The following LYPLAL1 variants were observed in gnomAD, a reference collection of about 807,000 sequenced individuals.
LYPLAL1 encodes the protein lysophospholipase-like protein 1.
In LYPLAL1, 23 loss-of-function variants were observed where a neutral mutation model predicts 19.7. The ratio of observed to expected loss-of-function variants is 1.17; its 90% CI spans 0.84 to 1.65. The LOEUF (loss-of-function observed/expected upper bound fraction) is 1.65. LYPLAL1 is among the 40% of genes most tolerant of loss of function. The pLI is 0.00. For missense variants in LYPLAL1, 355 were observed against 279.4 expected (o/e 1.27, Z -1.93); for synonymous variants, 119 against 96.3 (o/e 1.24, Z -1.38).
chr1:219,337,125 T>G, the LYPLAL1 span, among the ~76,000 whole-genome samples: 14 of 148,058 alleles, frequency 9.5e-5, no homozygotes, highest in East Asian at 2.5e-3. Context: ...CCTGCCTCTC[T>G]TTTCTAAGAA....
At chr1:219,335,433 T>G in the LYPLAL1 span, among the ~76,000 whole-genome samples, 10 of 152,020 alleles carry the variant, frequency 6.6e-5, no homozygotes, top group Admixed American at 5.9e-4. Context: ...GGGGTATATC[T>G]TCACATACAC....
At chr1:219,415,132 A>G in the LYPLAL1 span, among the ~76,000 whole-genome samples, 1 of 152,224 alleles carries the variant, frequency 6.6e-6, no homozygotes, top group African/African-American at 2.4e-5. Context: ...CTAGGGAGAA[A>G]AGACTTCAAA....
At chr1:219,421,435 C>T in the LYPLAL1 span, among the ~76,000 whole-genome samples, 1 of 152,184 alleles carries the variant, frequency 6.6e-6, no homozygotes, top group Non-Finnish European at 1.5e-5. Context: ...CTACCATTTA[C>T]AAGCACCTGA....
At chr1:219,352,519 A>G in the LYPLAL1 span, among the ~76,000 whole-genome samples, 1 of 152,068 alleles carries the variant, frequency 6.6e-6, no homozygotes, top group African/African-American at 2.4e-5. Flanking sequence ...TCCGTCTCAA[A>G]TAAATAAATA....
At chr1:219,235,473 G>A in the LYPLAL1 span, among the ~76,000 whole-genome samples, 1 of 152,156 alleles carries the variant, frequency 6.6e-6, no homozygotes, top group East Asian at 1.9e-4. Flanking sequence ...AATAGGCTGG[G>A]ATCTGACTTG....
At chr1:219,441,390 A>C in the LYPLAL1 span, among the ~76,000 whole-genome samples, 1 of 152,196 alleles carries the variant, frequency 6.6e-6, no homozygotes, top group African/African-American at 2.4e-5. Context: ...ATGAGGCCCG[A>C]GATTCATTTG....
the LYPLAL1 span, among the ~76,000 whole-genome samples, chr1:219,326,298 T>TG: frequency 6.7e-4 from 1 of 1,496 alleles, no homozygotes; most frequent in African/African-American, 3.4e-3. Flanking sequence ...TTGTTTTTGG[T>TG]GGGTGGGGGG....
chr1:219,287,600 A>C, the LYPLAL1 span, among the ~76,000 whole-genome samples: 1 of 152,208 alleles, frequency 6.6e-6, no homozygotes, highest in Non-Finnish European at 1.5e-5. Flanking sequence ...AACACTGATG[A>C]GAATGTGGAA....
the LYPLAL1 span, among the ~76,000 whole-genome samples, chr1:219,353,609 TAAGCATGA>T: frequency 6.6e-6 from 1 of 152,148 alleles, no homozygotes; most frequent in African/African-American, 2.4e-5. Context: ...AGCTTTAAAA[TAAGCATGA>T]AAGGATAAAG....
At chr1:219,204,385 A>G (rs1000352377) in intron 3 of LYPLAL1, among the ~76,000 whole-genome samples, 2 of 152,192 alleles carry the variant, frequency 1.3e-5, no homozygotes, top group Admixed American at 6.5e-5. Context: ...TGTGCAGAAT[A>G]TAAGCATTTT....
downstream of LYPLAL1, among the ~76,000 whole-genome samples, chr1:219,217,407 T>TGTGTGTGTGTGTGA (rs1225833975): frequency 1.5e-3 from 178 of 116,218 alleles, 1 homozygote; most frequent in Middle Eastern, 4.8e-3. Context: ...TGTGTGTGTG[T>TGTGTGTGTGTGTGA]GAGAGATGGT....
chr1:219,375,014 C>T, the LYPLAL1 span, among the ~76,000 whole-genome samples: 2 of 152,188 alleles, frequency 1.3e-5, no homozygotes, highest in African/African-American at 4.8e-5. Context: ...AGTATCTCCA[C>T]GTATTTACTT....
At chr1:219,178,522 T>C (rs1051041759) in intron 1 of LYPLAL1, among the ~76,000 whole-genome samples, 1 of 152,250 alleles carries the variant, frequency 6.6e-6, no homozygotes, top group African/African-American at 2.4e-5. Flanking sequence ...GATGGACTTA[T>C]ATTTCCTTCC....
intron 3 of LYPLAL1, among the ~76,000 whole-genome samples, chr1:219,195,515 T>C (rs1657530770): frequency 1.3e-5 from 2 of 152,088 alleles, no homozygotes; most frequent in Admixed American, 1.3e-4. Context: ...TTGAAGAGTT[T>C]ATCACACTGA....
chr1:219,211,384 G>C (rs1659025696), intron 4 of LYPLAL1, 108 bp from the exon 5 acceptor site: 1 of 776,190 alleles, frequency 1.3e-6, no homozygotes, highest in Non-Finnish European at 2.1e-6. Context: ...TTTCCCATTA[G>C]TTATTGAAGC....
chr1:219,263,120 G>T, the LYPLAL1 span, among the ~76,000 whole-genome samples: 1 of 152,180 alleles, frequency 6.6e-6, no homozygotes, highest in Non-Finnish European at 1.5e-5. Context: ...CTACCAGGCA[G>T]GTAGAGGAAA....
chr1:219,335,881 A>G, the LYPLAL1 span, among the ~76,000 whole-genome samples: 1 of 151,688 alleles, frequency 6.6e-6, no homozygotes, highest in Admixed American at 6.6e-5. Context: ...CCCTAATAAG[A>G]AAAATATTTG....
chr1:219,265,012 A>G, the LYPLAL1 span, among the ~76,000 whole-genome samples: 2 of 152,350 alleles, frequency 1.3e-5, no homozygotes, highest in South Asian at 4.1e-4. Flanking sequence ...CTTCTCAAGT[A>G]GCCAGTTGTC....
chr1:219,412,018 T>A, the LYPLAL1 span: 1 of 152,262 alleles, frequency 6.6e-6, no homozygotes, highest in African/African-American at 2.4e-5. Context: ...TGTATAGTGT[T>A]AGAGACTCCC....
Sources: allele counts gnomAD v4.1 joint callset (sites outside exome capture counted in the v4.1 genomes callset), GRCh38; gene constraint gnomAD v4.1.1; transcripts MANE v1.5; gene names NCBI Gene and HGNC (gene_info 2026-07-23, HGNC 2026-07-21).